Variants in PIGU observed in about 807,000 individuals in gnomAD.
PIGU encodes phosphatidylinositol glycan anchor biosynthesis class U, also known as GPI-anchor transamidase component PIGU.
PIGU carries 24 observed loss-of-function variants against 49.9 expected under a neutral mutation model. The observed-to-expected ratio is 0.48, with a 90% CI of 0.35 to 0.68. The LOEUF is 0.68. Ranked by LOEUF, PIGU falls within the 30% of genes least tolerant of loss-of-function variation. The probability of loss-of-function intolerance (pLI) is 0.01; values close to 1 mark genes in which losing one functional copy is unlikely to be tolerated. For missense variants in PIGU, 490 were observed against 532.6 expected, an observed-to-expected ratio of 0.92 and a Z score of 0.79; for synonymous variants, 220 against 205.7, an observed-to-expected ratio of 1.07 and a Z score of -0.59.
At chr20:34,627,665 T>A (rs1985544132) in intron 6 of PIGU, among the ~76,000 whole-genome samples, 1 of 152,178 alleles carries the variant, frequency 6.6e-6, no homozygotes, top group South Asian at 2.1e-4. Context: ...AGTTTCTCTA[T>A]CTTTGCACTC....
intron 7 of PIGU, among the ~76,000 whole-genome samples, chr20:34,596,086 G>A (rs1320270854): frequency 6.6e-6 from 1 of 152,192 alleles, no homozygotes; most frequent in Non-Finnish European, 1.5e-5. Flanking sequence ...AGACACTAAC[G>A]TCACCAAGTG....
intron 11 of PIGU, chr20:34,562,689 T>C: frequency 5.7e-6 from 4 of 705,754 alleles, no homozygotes; most frequent in Non-Finnish European, 8.6e-6. Flanking sequence ...AAAGGTGGTC[T>C]GCCTGGGGCC....
At chr20:34,581,817 C>A in intron 9 of PIGU, 145 bp from the exon 10 acceptor site, 1 of 1,134,184 alleles carries the variant, frequency 8.8e-7, no homozygotes, top group Non-Finnish European at 1.2e-6. Flanking sequence ...AGGCATGGGC[C>A]AGGCCCCAGT....
chr20:34,672,886 C>G (rs549361296), intron 1 of PIGU, among the ~76,000 whole-genome samples: 139 of 145,150 alleles, frequency 9.6e-4, no homozygotes, highest in African/African-American at 3.2e-3. Flanking sequence ...AAAAATCAGT[C>G]CATACTATAG....
chr20:34,593,805 T>C (rs764853591), intron 7 of PIGU, among the ~76,000 whole-genome samples: 1 of 152,048 alleles, frequency 6.6e-6, no homozygotes, highest in Non-Finnish European at 1.5e-5. Context: ...GTCTTTAACT[T>C]TGATGTAGAA....
chr20:34,575,401 C>T (rs1223425590), intron 10 of PIGU, among the ~76,000 whole-genome samples, 155 bp from the exon 11 acceptor site: 2 of 152,112 alleles, frequency 1.3e-5, no homozygotes, highest in Non-Finnish European at 2.9e-5. Flanking sequence ...AGAAGCAAAC[C>T]CCAGACTCCT....
rs1211608278 is a variant in PIGU, at chr20:34,590,095, CA to C, written c.628-1489del. ...TTTCCTCTCTTAAAAATGTTTTCCT[CA>C]AAAAAAAAAAAAGATGCTGGGGGAA... is the stretch of plus-strand genomic sequence containing the variant. On this transcript the variant is annotated intron_variant, in intron 7 of 11. Coordinates refer to ENST00000217446, the MANE Select transcript of PIGU (RefSeq NM_080476.5). Among the ~76,000 whole-genome samples, 847 of 127,544 alleles carry C rather than the reference CA, an allele frequency of 6.6e-3. 3 individuals are homozygous for C. The highest frequency in any genetic ancestry group is 0.018 in the African/African-American group (620 of 34,674). The allele number at this position is 127,544 out of a possible 152,430, so 83.7% of individuals were successfully genotyped here.
At chr20:34,676,769 C>T (rs1319484975) in intron 1 of PIGU, among the ~76,000 whole-genome samples, 187 bp downstream of exon 1, 1 of 151,620 alleles carries the variant, frequency 6.6e-6, no homozygotes, top group African/African-American at 2.4e-5. Context: ...GTCCCCACGC[C>T]CCGGTCCCCA....
At chr20:34,561,577 T>C (rs935751295) in intron 11 of PIGU, among the ~76,000 whole-genome samples, 4 of 152,142 alleles carry the variant, frequency 2.6e-5, no homozygotes, top group African/African-American at 9.7e-5. Context: ...CTCAAACCCG[T>C]GCCCACCCCA....
chr20:34,589,649 CTTTTTTT>C (rs34119895), intron 7 of PIGU, among the ~76,000 whole-genome samples: 2 of 53,672 alleles, frequency 3.7e-5, no homozygotes, highest in African/African-American at 7.8e-5. Context: ...CTGCACCTGG[CTTTTTTT>C]TTTTTTTTTT....
intron 11 of PIGU, among the ~76,000 whole-genome samples, chr20:34,570,003 T>G (rs1982938779): frequency 6.6e-6 from 1 of 152,188 alleles, no homozygotes; most frequent in Non-Finnish European, 1.5e-5. Flanking sequence ...ATTTGTATCA[T>G]GAGTTAATAA....
rs1031192260 is a variant in PIGU, at chr20:34,616,047, G to A, written c.622C>T (p.Leu208Phe). The part of the protein sequence containing the change: ...TLFVPGLLYL[L>F]QRQYIPVKMK... ...TCTGACCAGCAAGTGCTTACCTGGA[G>A]GAGATAGAGGAGTCCTGGGACAAAC... The change falls in exon 7 of 12, where the codon CTC (leucine) becomes TTC (phenylalanine). Residue 208 changes from leucine to phenylalanine, a missense_variant. Leu to Phe is a conservative substitution (Grantham distance 22). Coordinates refer to ENST00000217446, the MANE Select transcript of PIGU (RefSeq NM_080476.5). The A allele has an allele frequency of 3.7e-6, 6 of 1,608,650 alleles. No homozygotes were observed. Among genetic ancestry groups the A allele is most frequent in the Non-Finnish European group, 4.2e-6 (5 of 1,178,006 alleles).
At chr20:34,586,748 T>C (rs1983712081) in intron 8 of PIGU, among the ~76,000 whole-genome samples, 1 of 152,198 alleles carries the variant, frequency 6.6e-6, no homozygotes, top group African/African-American at 2.4e-5. Flanking sequence ...CATTTGAGTT[T>C]TCCCTCAAGG....
At chr20:34,569,323 G>A (rs538621644) in intron 11 of PIGU, among the ~76,000 whole-genome samples, 3 of 152,076 alleles carry the variant, frequency 2.0e-5, no homozygotes, top group African/African-American at 4.8e-5. Context: ...TTCGCCTACC[G>A]GGCTTAAGCG....
chr20:34,638,047 T>C (rs746846491), intron 4 of PIGU, 62 bp from the exon 5 acceptor site: 397 of 1,529,652 alleles, frequency 2.6e-4, no homozygotes, highest in Non-Finnish European at 3.4e-4. Flanking sequence ...CCATTGTTTT[T>C]ATGCTGAAGA....
intron 1 of PIGU, among the ~76,000 whole-genome samples, chr20:34,667,453 T>C (rs556927691): frequency 6.6e-6 from 1 of 152,020 alleles, no homozygotes; most frequent in East Asian, 1.9e-4. Context: ...CTTATAGTTC[T>C]AGAATGTAAT....
intron 2 of PIGU, among the ~76,000 whole-genome samples, chr20:34,652,405 A>C (rs933303383): frequency 5.9e-5 from 9 of 152,168 alleles, no homozygotes; most frequent in African/African-American, 2.2e-4. Context: ...TTTAATGCTC[A>C]TCCCAAGGAA....
In PIGU at chr20:34,601,620, A is replaced by G. The variant is rs531602873; in HGVS notation, c.628-13013T>C. Among the ~76,000 whole-genome samples the G allele has an allele frequency of 3.9e-5, 6 of 152,340 alleles. No homozygotes were observed. The South Asian group carries it at 8.3e-4, about 21-fold the overall frequency. On this transcript the variant is annotated intron_variant, in intron 7 of 11. Transcript: ENST00000217446. Reference sequence around the variant, plus strand: ...CAAGAATTAGATTTTCCACAAGCCCAGCTGCTGAAACGACCTGCTGTGACT... The same window carrying G: ...CAAGAATTAGATTTTCCACAAGCCCGGCTGCTGAAACGACCTGCTGTGACT...
At chr20:34,598,378 G>A (rs1241316673) in intron 7 of PIGU, among the ~76,000 whole-genome samples, 3 of 152,116 alleles carry the variant, frequency 2.0e-5, no homozygotes, top group Non-Finnish European at 2.9e-5. Context: ...TAGAGAGGTA[G>A]AGAACAGCCA....
Sources: gnomAD v4.1 joint callset for allele counts (sites outside exome capture counted in the v4.1 genomes callset) on GRCh38, gnomAD v4.1.1 for gene constraint, MANE v1.5 for transcripts, NCBI Gene and HGNC (gene_info 2026-07-23, HGNC 2026-07-21) for gene names.